SORBS2: variants seen among roughly 807,000 people sequenced by gnomAD.
SORBS2 encodes sorbin and SH3 domain-containing protein 2.
A neutral mutation model predicts 97.7 loss-of-function variants in SORBS2; 46 were observed. The ratio of observed to expected loss-of-function variants is 0.47; its 90% CI spans 0.37 to 0.60. SORBS2 has a LOEUF of 0.60. SORBS2 is among the 20% of genes least tolerant of loss of function. The pLI is 0.00. For synonymous variants in SORBS2, 476 were observed against 473.4 expected, an observed-to-expected ratio of 1.01 and a Z score of -0.07; for missense variants, 1,316 against 1,282.3, an observed-to-expected ratio of 1.03 and a Z score of -0.40.
chr4:185,913,384 T>A (rs1378548369), intron 1 of SORBS2, among the ~76,000 whole-genome samples: 1 of 152,236 alleles, frequency 6.6e-6, no homozygotes, highest in East Asian at 1.9e-4. Context: ...TTACCATACC[T>A]TGATTTAGGT....
chr4:185,640,201 A>C (rs1024314481), intron 4 of SORBS2, among the ~76,000 whole-genome samples: 1 of 152,236 alleles, frequency 6.6e-6, no homozygotes, highest in African/African-American at 2.4e-5. Flanking sequence ...TCATAATTAT[A>C]AAGACTGTGT....
At chr4:185,879,042 T>G (rs1389629777) in intron 1 of SORBS2, among the ~76,000 whole-genome samples, 3 of 152,190 alleles carry the variant, frequency 2.0e-5, no homozygotes, top group Non-Finnish European at 1.5e-5. Context: ...ATTATTATAC[T>G]TTAAGTTCTA....
At chr4:185,824,009 A>T (rs1347278751) in intron 1 of SORBS2, among the ~76,000 whole-genome samples, 1 of 152,162 alleles carries the variant, frequency 6.6e-6, no homozygotes, top group South Asian at 2.1e-4. Flanking sequence ...TGGGCAGCCT[A>T]CTTAACTCTC....
At position 185,799,454 on chromosome 4, in the gene SORBS2, C is replaced by T. The variant is rs183596606; in HGVS notation, c.-337-24088G>A. ...AAGGAGAAGCCTGAGTCTTTTAACA[C>T]CACAGATCAAACACTGCAAATGGTA... is the stretch of plus-strand genomic sequence containing the variant. On this transcript the variant is annotated intron_variant, in intron 1 of 20. Coordinates refer to the SORBS2 transcript ENST00000284776. Among the ~76,000 whole-genome samples, 514 of 152,274 alleles carry T rather than the reference C, an allele frequency of 3.4e-3. 20 individuals carry two copies. In the South Asian group the frequency reaches 0.072, roughly 21 times the overall value.
chr4:185,778,517 C>T (rs1052755872), intron 1 of SORBS2, among the ~76,000 whole-genome samples: 8 of 152,044 alleles, frequency 5.3e-5, no homozygotes, highest in Non-Finnish European at 7.4e-5. Flanking sequence ...CCCCAGGCTG[C>T]GTGTAAACAT....
chr4:185,774,598 C>T (rs1437409429), intron 2 of SORBS2: 1 of 152,056 alleles, frequency 6.6e-6, no homozygotes, highest in Non-Finnish European at 1.5e-5. Flanking sequence ...GTTAGAGAAA[C>T]CTGCCAGCAG....
At chr4:185,745,220 G>A (rs111265026) in intron 2 of SORBS2, among the ~76,000 whole-genome samples, 11 of 152,282 alleles carry the variant, frequency 7.2e-5, no homozygotes, top group African/African-American at 2.6e-4. Context: ...AGCAGGTGCT[G>A]TCAGTGGGGA....
intron 2 of SORBS2, chr4:185,770,975 C>CTTTTTTTTTTTTTTTTTTTT (rs747070975): frequency 1.4e-5 from 1 of 72,728 alleles, no homozygotes; most frequent in Admixed American, 1.9e-4. Context: ...TCATCGTTTC[C>CTTTTTTTTTTTTTTTTTTTT]TTTTTTTTTT....
chr4:185,907,545 G>A (rs560184915), intron 1 of SORBS2, among the ~76,000 whole-genome samples: 20 of 152,268 alleles, frequency 1.3e-4, no homozygotes, highest in African/African-American at 4.8e-4. Context: ...TTTCTGGAGA[G>A]CTTTGCTTCT....
At chr4:185,831,307 C>A (rs772298468) in intron 1 of SORBS2, among the ~76,000 whole-genome samples, 3 of 152,212 alleles carry the variant, frequency 2.0e-5, no homozygotes, top group Non-Finnish European at 4.4e-5. Context: ...TGGCTTCAAT[C>A]CACAGAGGCT....
chr4:185,689,504 C>A (rs1478618259), intron 2 of SORBS2, among the ~76,000 whole-genome samples: 5 of 152,202 alleles, frequency 3.3e-5, no homozygotes, highest in Admixed American at 3.3e-4. Context: ...CTCTTGATTG[C>A]TGAGCCTTCC....
At chr4:185,793,682 C>T (rs1561065796) in intron 1 of SORBS2, among the ~76,000 whole-genome samples, 1 of 152,094 alleles carries the variant, frequency 6.6e-6, no homozygotes, top group African/African-American at 2.4e-5. Flanking sequence ...CGTGTCTGGG[C>T]CAAAGATTTC....
intron 1 of SORBS2, among the ~76,000 whole-genome samples, chr4:185,876,326 T>A (rs1438091752): frequency 6.6e-6 from 1 of 152,148 alleles, no homozygotes; most frequent in East Asian, 1.9e-4. Context: ...CAGGCTGATC[T>A]CGAGCTCCTG....
intron 1 of SORBS2, among the ~76,000 whole-genome samples, chr4:185,783,930 G>T (rs1396060294): frequency 3.9e-5 from 6 of 152,174 alleles, no homozygotes; most frequent in African/African-American, 1.2e-4. Context: ...TAGGTAAGAG[G>T]TGTGGTAGAC....
In SORBS2 at chr4:185,705,666, C is replaced by A. The variant is rs553236671; in HGVS notation, c.-197-26844G>T. 1.6e-3 allele frequency among the ~76,000 whole-genome samples: 247 copies of A among 152,272 alleles called. 1 individual carries two copies. The highest frequency in any genetic ancestry group is 5.6e-3 in the African/African-American group (234 of 41,534). On this transcript the variant is annotated intron_variant, in intron 2 of 20. Transcript: ENST00000284776. ...TCACTGCTATACACTCAGCCTCTAA[C>A]AATATCTGGTACATATTATTTACCC... is the stretch of plus-strand genomic sequence containing the variant.
At chr4:185,698,621 G>T (rs772931354) in intron 2 of SORBS2, among the ~76,000 whole-genome samples, 2 of 152,184 alleles carry the variant, frequency 1.3e-5, no homozygotes, top group African/African-American at 4.8e-5. Flanking sequence ...AGGGGTTAGG[G>T]AAAAGAACAA....
At chr4:185,827,133 C>G (rs1222449220) in intron 1 of SORBS2, among the ~76,000 whole-genome samples, 3 of 125,036 alleles carry the variant, frequency 2.4e-5, no homozygotes, top group Non-Finnish European at 5.3e-5. Context: ...CCATCATCAT[C>G]ATCATCACCA....
chr4:185,631,445 A>G, intron 4 of SORBS2, among the ~76,000 whole-genome samples: 1 of 152,228 alleles, frequency 6.6e-6, no homozygotes, highest in Middle Eastern at 3.2e-3. Flanking sequence ...GTTTGAGGTG[A>G]CACTGTGGTA....
chr4:185,899,463 A>C (rs1482708519), intron 1 of SORBS2, among the ~76,000 whole-genome samples: 1 of 151,938 alleles, frequency 6.6e-6, no homozygotes, highest in Admixed American at 6.6e-5. Flanking sequence ...ACAGGGTCTC[A>C]CTCTTTCACC....
Sources: allele counts gnomAD v4.1 joint callset (sites outside exome capture counted in the v4.1 genomes callset), GRCh38; gene constraint gnomAD v4.1.1; transcripts MANE v1.5; gene names NCBI Gene and HGNC (gene_info 2026-07-23, HGNC 2026-07-21).